Variants in PDE10A observed in about 807,000 individuals in gnomAD.
PDE10A encodes cAMP and cAMP-inhibited cGMP 3',5'-cyclic phosphodiesterase 10A.
In PDE10A, 39 loss-of-function variants were observed where a neutral mutation model predicts 97.7. That is an observed-to-expected ratio of 0.40 (90% CI 0.31 to 0.52). The LOEUF is 0.52. PDE10A is among the 20% of genes least tolerant of loss of function. PDE10A has a pLI of 0.56. For missense variants in PDE10A, 731 were observed against 1,047.8 expected (o/e 0.70, Z 4.17); for synonymous variants, 371 against 376.8 (o/e 0.98, Z 0.18).
intron 1 of PDE10A, among the ~76,000 whole-genome samples, chr6:165,705,657 C>T (rs1443874669): frequency 6.6e-6 from 1 of 152,070 alleles, no homozygotes; most frequent in Non-Finnish European, 1.5e-5. Flanking sequence ...TACTACATAG[C>T]TTTTGGTTAT....
At chr6:165,612,393 T>G (rs1325391890) in intron 1 of PDE10A, among the ~76,000 whole-genome samples, 1 of 152,074 alleles carries the variant, frequency 6.6e-6, no homozygotes, top group African/African-American at 2.4e-5. Flanking sequence ...TTTTTTTCTA[T>G]TGAGATGGAG....
chr6:165,655,356 C>T lies in PDE10A; in HGVS notation c.865+6591G>A, dbSNP rs1010183780. Among the ~76,000 whole-genome samples the T allele has an allele frequency of 1.9e-4, 29 of 152,136 alleles. No homozygotes were observed. The highest frequency in any genetic ancestry group is 5.2e-4 in the Admixed American group (8 of 15,290). On this transcript the variant is annotated intron_variant, in intron 1 of 21. Coordinates refer to ENST00000539869, the MANE Select transcript of PDE10A (RefSeq NM_001385079.1). This position sits in a 1 kb window ranked among gnomAD's most constrained non-coding sequence, Gnocchi z 4.5. ...TCAGGCTGAACACCACCAAACGCCA[C>T]GCCTGATTCCTTGCGCACCCCACGT... is the stretch of plus-strand genomic sequence containing the variant.
intron 12 of PDE10A, among the ~76,000 whole-genome samples, chr6:165,414,583 AT>A (rs1404611702): frequency 6.6e-6 from 1 of 152,162 alleles, no homozygotes; most frequent in African/African-American, 2.4e-5. Context: ...GGACAATATT[AT>A]TTTTAATAGC....
intron 1 of PDE10A, among the ~76,000 whole-genome samples, chr6:165,742,314 C>T (rs538509865): frequency 6.6e-4 from 101 of 152,274 alleles, no homozygotes; most frequent in South Asian, 1.2e-3. Flanking sequence ...CAAGTGCTCT[C>T]GCTGTTTCCC....
At chr6:165,731,316 G>A (rs929519123) in intron 1 of PDE10A, among the ~76,000 whole-genome samples, 2 of 152,156 alleles carry the variant, frequency 1.3e-5, no homozygotes, top group South Asian at 2.1e-4. Flanking sequence ...AAAGTGCTAT[G>A]GAAAAATGCG....
chr6:165,591,400 T>C lies in PDE10A; in HGVS notation c.866-47832A>G, dbSNP rs988283235. ...AATGAAATTAGCATGATTGTATAGT[T>C]GGTGTCAATAAATAAATTATTTGTT... is the stretch of plus-strand genomic sequence containing the variant. On this transcript the variant is annotated intron_variant, in intron 1 of 21. Coordinates refer to ENST00000539869, the MANE Select transcript of PDE10A (RefSeq NM_001385079.1). 6.6e-5 allele frequency among the ~76,000 whole-genome samples: 10 copies of C among 152,358 alleles called. No individual in the cohort carries two copies. The South Asian group carries it at 2.1e-3, about 32-fold the overall frequency.
chr6:165,836,965 C>T (rs893621709), intron 1 of PDE10A, among the ~76,000 whole-genome samples: 7 of 148,412 alleles, frequency 4.7e-5, no homozygotes, highest in Non-Finnish European at 1.0e-4. Context: ...AACCAAACAC[C>T]GCGTATTCTC....
intron 1 of PDE10A, among the ~76,000 whole-genome samples, chr6:165,568,972 C>T (rs557915619): frequency 6.6e-6 from 1 of 152,282 alleles, no homozygotes; most frequent in East Asian, 1.9e-4. Flanking sequence ...CTACTGGAGA[C>T]TAGAAAACTT....
chr6:165,565,786 A>G (rs1784749349), intron 1 of PDE10A, among the ~76,000 whole-genome samples: 1 of 152,208 alleles, frequency 6.6e-6, no homozygotes, highest in African/African-American at 2.4e-5. Context: ...AAATAAATAT[A>G]TAAAACTGAT....
At chr6:165,615,537 T>C (rs1033917490) in intron 1 of PDE10A, among the ~76,000 whole-genome samples, 1 of 152,214 alleles carries the variant, frequency 6.6e-6, no homozygotes, top group Non-Finnish European at 1.5e-5. Context: ...TTGAGTTTTT[T>C]AAAAGAAGAA....
intron 1 of PDE10A, among the ~76,000 whole-genome samples, chr6:165,941,669 T>A (rs1783525936): frequency 6.6e-6 from 1 of 152,242 alleles, no homozygotes; most frequent in African/African-American, 2.4e-5. Context: ...CCATGTGATG[T>A]GCCTGCTCTC....
chr6:165,967,352 C>T (rs1473756510), intron 1 of PDE10A, among the ~76,000 whole-genome samples: 1 of 152,164 alleles, frequency 6.6e-6, no homozygotes, highest in Non-Finnish European at 1.5e-5. Context: ...CAAACATTAG[C>T]CGGCTGTGGT....
intron 19 of PDE10A, among the ~76,000 whole-genome samples, chr6:165,341,889 C>G (rs891567806): frequency 1.3e-5 from 2 of 152,152 alleles, no homozygotes; most frequent in Admixed American, 1.3e-4. Flanking sequence ...ATTAGCATCA[C>G]AGAGCATTTT....
At chr6:165,761,888 C>T (rs1793259776) in intron 1 of PDE10A, among the ~76,000 whole-genome samples, 1 of 152,196 alleles carries the variant, frequency 6.6e-6, no homozygotes, top group Non-Finnish European at 1.5e-5. Context: ...ATGATATTCT[C>T]TGTAATTATC....
At chr6:165,686,786 G>C (rs1047880837) in intron 1 of PDE10A, among the ~76,000 whole-genome samples, 1 of 152,178 alleles carries the variant, frequency 6.6e-6, no homozygotes, top group African/African-American at 2.4e-5. Flanking sequence ...TTAGCCGGTC[G>C]GTCCTTACGG....
At chr6:165,921,357 A>C (rs777578190) in intron 1 of PDE10A, among the ~76,000 whole-genome samples, 1 of 152,220 alleles carries the variant, frequency 6.6e-6, no homozygotes, top group East Asian at 1.9e-4. Flanking sequence ...TATTTATCAA[A>C]TACATAGGCA....
At chr6:165,615,092 T>C (rs1008867424) in intron 1 of PDE10A, among the ~76,000 whole-genome samples, 10 of 151,384 alleles carry the variant, frequency 6.6e-5, no homozygotes, top group Non-Finnish European at 1.5e-4. Context: ...CAGCTGTAAT[T>C]CTAGCTACTC....
chr6:165,765,346 C>A (rs189509179), intron 1 of PDE10A, among the ~76,000 whole-genome samples: 8 of 141,666 alleles, frequency 5.6e-5, no homozygotes, highest in African/African-American at 2.0e-4. Flanking sequence ...GGCGGCGCTC[C>A]TCGGGGAGGC....
intron 1 of PDE10A, among the ~76,000 whole-genome samples, chr6:165,852,275 T>C (rs1780592542): frequency 6.6e-6 from 1 of 152,188 alleles, no homozygotes; most frequent in Non-Finnish European, 1.5e-5. Flanking sequence ...GCAAGTTGAT[T>C]CCTAATCTGA....
Sources: allele counts gnomAD v4.1 joint callset (sites outside exome capture counted in the v4.1 genomes callset), GRCh38; gene constraint gnomAD v4.1.1; non-coding constraint Gnocchi (gnomAD v3.1); transcripts MANE v1.5; gene names NCBI Gene and HGNC (gene_info 2026-07-23, HGNC 2026-07-21).